The following EYS variants were observed in gnomAD, a reference collection of about 807,000 sequenced individuals.
EYS encodes the protein EGF-like photoreceptor maintenance factor, also known as protein eyes shut homolog.
A neutral mutation model predicts 282.1 loss-of-function variants in EYS; 250 were observed. That is an observed-to-expected ratio of 0.89 (90% CI 0.80 to 0.98). The LOEUF (loss-of-function observed/expected upper bound fraction) is 0.98, where lower values mean the gene tolerates loss of function less well. EYS is among the 50% of genes least tolerant of loss of function. The pLI is 0.00. For synonymous variants in EYS, 1,355 were observed against 1,282.9 expected (o/e 1.06, Z -1.20); for missense variants, 4,016 against 3,709.0 (o/e 1.08, Z -2.15).
chr6:65,110,243 C>A (rs899585077), intron 12 of EYS, among the ~76,000 whole-genome samples: 3 of 152,114 alleles, frequency 2.0e-5, no homozygotes, highest in African/African-American at 7.2e-5. Context: ...ATTGTTCATT[C>A]ATTAATCATT....
At position 63,736,059 on chromosome 6, in the gene EYS, G is replaced by T. The variant is rs931377584; in HGVS notation, c.8072-9379C>A. Reference sequence around the variant, plus strand: ...AATATACAAATAGGAGCAATATTTGGATTTGCCAGGTTTCTTCACTTAAAA... The same window carrying T: ...AATATACAAATAGGAGCAATATTTGTATTTGCCAGGTTTCTTCACTTAAAA... On this transcript the variant is annotated intron_variant, in intron 41 of 42. Transcript: ENST00000503581. Among the ~76,000 whole-genome samples the T allele has an allele frequency of 3.3e-5, 5 of 152,028 alleles. 1 individual carries two copies. Among genetic ancestry groups the T allele is most frequent in the African/African-American group, 1.2e-4 (5 of 41,400 alleles).
chr6:65,178,308 T>A (rs1285331180), intron 12 of EYS, among the ~76,000 whole-genome samples: 1 of 151,974 alleles, frequency 6.6e-6, no homozygotes, highest in Non-Finnish European at 1.5e-5. Context: ...AATAAATCTG[T>A]CTTTCTAAAC....
At chr6:65,567,264 T>C (rs1764298577) in intron 2 of EYS, among the ~76,000 whole-genome samples, 2 of 149,396 alleles carry the variant, frequency 1.3e-5, no homozygotes, top group Admixed American at 6.7e-5. Flanking sequence ...TATATATATA[T>C]ACATATATAC....
At chr6:64,346,589 T>C (rs1273979352) in intron 29 of EYS, among the ~76,000 whole-genome samples, 1 of 151,542 alleles carries the variant, frequency 6.6e-6, no homozygotes, top group African/African-American at 2.4e-5. Flanking sequence ...CATTAGGAGA[T>C]ATACCTAATG....
chr6:65,034,106 T>C (rs1019952499), intron 13 of EYS, among the ~76,000 whole-genome samples: 30 of 152,198 alleles, frequency 2.0e-4, no homozygotes, highest in African/African-American at 6.8e-4. Flanking sequence ...ACGGGGCCTG[T>C]AGCCCCTTTC....
rs1768332330 is a variant in EYS at position 63,720,555 on chromosome 6, T to C, written c.*41A>G. On this transcript the variant is annotated 3_prime_UTR_variant, in exon 43 of 43. Coordinates refer to ENST00000503581, the MANE Select transcript of EYS (RefSeq NM_001142800.2). ...TCAAAGAAATAACTATCAAAATAAC[T>C]GCATTTATGTATAGTGTGTACTAAA... is the stretch of plus-strand genomic sequence containing the variant. 2.2e-6 allele frequency: 3 copies of C among 1,358,628 alleles called. No individual in the cohort carries two copies. Among genetic ancestry groups the C allele is most frequent in the South Asian group, 3.3e-5 (2 of 61,490 alleles). The allele number at this position is 1,358,628 out of a possible 1,614,324, so 84.2% of individuals were successfully genotyped here.
At chr6:63,750,291 G>T (rs1040152807) in intron 41 of EYS, among the ~76,000 whole-genome samples, 3 of 152,052 alleles carry the variant, frequency 2.0e-5, no homozygotes, top group Admixed American at 6.6e-5. Context: ...TTGTCCCTTT[G>T]ATTTAGTCAT....
chr6:65,246,186 A>G (rs149209402), intron 12 of EYS, among the ~76,000 whole-genome samples: 274 of 152,248 alleles, frequency 1.8e-3, no homozygotes, highest in African/African-American at 6.4e-3. Context: ...GTGTGTACTA[A>G]GCACTATGAA....
chr6:64,875,451 C>T (rs1562237733), intron 19 of EYS, among the ~76,000 whole-genome samples: 1 of 152,056 alleles, frequency 6.6e-6, no homozygotes, highest in East Asian at 1.9e-4. Context: ...CTTGTCCAGC[C>T]TCTGATATCA....
In EYS at chr6:63,936,325, A is replaced by G. The variant is rs115915050; in HGVS notation, c.7055+48058T>C. Among the ~76,000 whole-genome samples the G allele has an allele frequency of 8.7e-4, 133 of 152,314 alleles. 1 individual carries two copies. The highest frequency in any genetic ancestry group is 3.1e-3 in the African/African-American group (129 of 41,570). On this transcript the variant is annotated intron_variant, in intron 35 of 42. Transcript: ENST00000503581. ...AAATTCACTTGTCTCAGAATTCCAT[A>G]TTCTATTCTCTATTACATGTATAGG...
At chr6:64,937,280 A>G (rs1313834977) in intron 15 of EYS, among the ~76,000 whole-genome samples, 1 of 151,576 alleles carries the variant, frequency 6.6e-6, no homozygotes, top group East Asian at 1.9e-4. Flanking sequence ...CAAAAGTGGC[A>G]AAAGAAAATG....
At chr6:63,756,049 T>C (rs1397235028) in intron 41 of EYS, among the ~76,000 whole-genome samples, 1 of 152,236 alleles carries the variant, frequency 6.6e-6, no homozygotes, top group African/African-American at 2.4e-5. Flanking sequence ...TGGGGTTTTC[T>C]AAATATATAA....
chr6:65,638,015 C>A (rs1336498642), intron 2 of EYS, among the ~76,000 whole-genome samples: 2 of 152,212 alleles, frequency 1.3e-5, no homozygotes, highest in East Asian at 3.9e-4. Flanking sequence ...TCAGTTCCAG[C>A]TGGAGTCCAC....
rs115424901 is a variant in EYS, at chr6:64,049,054, C to T, written c.6725+17284G>A. ...ATTTATGTTGATTTCTCTCTGAATT[C>T]CCATGGCACTTACAATCAGTACTTC... On this transcript the variant is annotated intron_variant, in intron 33 of 42. Coordinates refer to ENST00000503581, the MANE Select transcript of EYS (RefSeq NM_001142800.2). Among the ~76,000 whole-genome samples, 1,236 of 152,262 alleles carry T rather than the reference C, an allele frequency of 8.1e-3. 6 individuals are homozygous for T. Among genetic ancestry groups the T allele is most frequent in the Middle Eastern group, 0.017 (5 of 294 alleles).
chr6:64,908,332 AG>A (rs771929060), intron 16 of EYS, among the ~76,000 whole-genome samples: 1 of 152,102 alleles, frequency 6.6e-6, no homozygotes, highest in Admixed American at 6.6e-5. Flanking sequence ...AACCCAGGTG[AG>A]GGTGCCTGTG....
chr6:63,908,779 T>C (rs1016332336), intron 35 of EYS, among the ~76,000 whole-genome samples: 2 of 152,114 alleles, frequency 1.3e-5, no homozygotes, highest in Admixed American at 1.3e-4. Context: ...TAATAAACCA[T>C]CATTTTCTAT....
At chr6:65,416,040 T>C (rs372613017) in intron 5 of EYS, among the ~76,000 whole-genome samples, 11 of 151,904 alleles carry the variant, frequency 7.2e-5, no homozygotes, top group African/African-American at 1.9e-4. Context: ...AAAGTGGTAG[T>C]AATGACACAC....
chr6:65,008,341 A>G (rs1396373407), intron 13 of EYS, among the ~76,000 whole-genome samples: 1 of 151,654 alleles, frequency 6.6e-6, no homozygotes, highest in Non-Finnish European at 1.5e-5. Context: ...CAGACATTAG[A>G]AAAAAAAACT....
rs538437519 is a variant in EYS at position 63,912,779 on chromosome 6, C to A, written c.7056-48421G>T. Among the ~76,000 whole-genome samples, 3 of 145,986 alleles carry A rather than the reference C, an allele frequency of 2.1e-5. No individual in the cohort carries two copies. In the South Asian group the frequency reaches 7.0e-4, roughly 34 times the overall value. ...GTCGTTTAGAAGTGTGCAGCACTCCCCACCCGCCCCCCCGACTTGCTCCTA... is the reference window on the plus strand; with the variant it reads ...GTCGTTTAGAAGTGTGCAGCACTCCACACCCGCCCCCCCGACTTGCTCCTA... On this transcript the variant is annotated intron_variant, in intron 35 of 42. Coordinates refer to ENST00000503581, the MANE Select transcript of EYS (RefSeq NM_001142800.2).
Sources: allele counts gnomAD v4.1 joint callset (sites outside exome capture counted in the v4.1 genomes callset), GRCh38; gene constraint gnomAD v4.1.1; transcripts MANE v1.5; gene names NCBI Gene and HGNC (gene_info 2026-07-23, HGNC 2026-07-21).